The following PSD3 variants were observed in gnomAD, a reference collection of about 807,000 sequenced individuals.
PSD3 encodes PH and SEC7 domain-containing protein 3.
In PSD3, 49 loss-of-function variants were observed where a neutral mutation model predicts 105.5. That is an observed-to-expected ratio of 0.46 (90% CI 0.37 to 0.59). PSD3 has a LOEUF of 0.59. PSD3 is among the 20% of genes least tolerant of loss of function. The pLI is 0.00. For missense variants in PSD3, 1,561 were observed against 1,263.8 expected, an observed-to-expected ratio of 1.24 and a Z score of -3.57; for synonymous variants, 557 against 457.8, an observed-to-expected ratio of 1.22 and a Z score of -2.77.
chr8:18,927,255 C>T (rs970488742), intron 2 of PSD3, among the ~76,000 whole-genome samples: 4 of 152,102 alleles, frequency 2.6e-5, no homozygotes, highest in Admixed American at 2.6e-4. Context: ...ACTCTGTTGC[C>T]CAGGCTGGGG....
At chr8:18,625,892 A>G (rs1285399278) in intron 11 of PSD3, among the ~76,000 whole-genome samples, 3 of 152,112 alleles carry the variant, frequency 2.0e-5, no homozygotes, top group African/African-American at 7.2e-5. Flanking sequence ...CACTATTGTT[A>G]TTGTGTAGAT....
intron 6 of PSD3, among the ~76,000 whole-genome samples, chr8:18,804,175 C>T (rs1393789320): frequency 1.3e-5 from 2 of 152,060 alleles, no homozygotes; most frequent in African/African-American, 4.8e-5. Context: ...GGTTAAACGT[C>T]CCAAACCCAA....
chr8:18,868,604 C>T (rs182031965), intron 3 of PSD3, among the ~76,000 whole-genome samples: 48 of 152,160 alleles, frequency 3.2e-4, no homozygotes, highest in African/African-American at 1.0e-3. Flanking sequence ...AGAGATTTCA[C>T]GTCCAAAATT....
chr8:19,043,161 AGCATCAG>A (rs1267896220), intron 1 of PSD3, among the ~76,000 whole-genome samples: 35 of 152,248 alleles, frequency 2.3e-4, no homozygotes, highest in African/African-American at 8.2e-4. Context: ...TTCCATGTTT[AGCATCAG>A]GCCATATCTT....
chr8:18,774,829 C>G, intron 8 of PSD3: 1 of 452,916 alleles, frequency 2.2e-6, no homozygotes, highest in South Asian at 1.6e-5. Flanking sequence ...CGACATACAT[C>G]TGGGACAGGT....
intron 9 of PSD3, among the ~76,000 whole-genome samples, chr8:18,747,174 A>C (rs1161834199): frequency 1.3e-5 from 2 of 152,246 alleles, no homozygotes; most frequent in African/African-American, 4.8e-5. Context: ...ATGTACCACA[A>C]ATTGGAGCTT....
chr8:18,890,846 G>C (rs560196138), intron 2 of PSD3, among the ~76,000 whole-genome samples: 23 of 152,164 alleles, frequency 1.5e-4, no homozygotes, highest in African/African-American at 4.8e-4. Flanking sequence ...AAGAGAAAAG[G>C]GGTCGAGTGG....
At chr8:18,826,698 G>A (rs1258091184) in intron 4 of PSD3, among the ~76,000 whole-genome samples, 1 of 152,174 alleles carries the variant, frequency 6.6e-6, no homozygotes, top group Non-Finnish European at 1.5e-5. Flanking sequence ...AAGGCCCTTT[G>A]GAAAGGCTTG....
chr8:18,573,541 A>C (rs1432031089), intron 13 of PSD3, among the ~76,000 whole-genome samples: 2 of 147,584 alleles, frequency 1.4e-5, no homozygotes, highest in East Asian at 3.9e-4. Context: ...TGAGTCAAAA[A>C]AGGGAAACAA....
chr8:18,960,523 T>C (rs1823849521), intron 1 of PSD3, among the ~76,000 whole-genome samples: 1 of 152,048 alleles, frequency 6.6e-6, no homozygotes, highest in Non-Finnish European at 1.5e-5. Flanking sequence ...AGAAAAGAAA[T>C]TAGGAAATGC....
At chr8:18,776,020 G>A (rs1186950965) in intron 8 of PSD3, among the ~76,000 whole-genome samples, 2 of 151,920 alleles carry the variant, frequency 1.3e-5, no homozygotes, top group Non-Finnish European at 2.9e-5. Context: ...GGTGATTTTT[G>A]TAAATTGTGA....
Position 18,683,870 on chromosome 8 carries a change from C to A in PSD3, c.2173-28185G>T, listed in dbSNP as rs759116363. 5 of 765,142 alleles carry A rather than the reference C, an allele frequency of 6.5e-6. No individual in the cohort carries two copies. In the East Asian group the frequency reaches 9.7e-5, roughly 15 times the overall value. 47.4% of individuals were successfully genotyped at this position (765,142 alleles called of 1,614,324 possible). ...GGATAGAATCCTCCCGGGAGTATTT[C>A]ACGGAACCTGAGGTCCTCACCCGTA... On this transcript the variant is annotated intron_variant, in intron 9 of 15. Transcript: ENST00000327040.
intron 10 of PSD3, among the ~76,000 whole-genome samples, chr8:18,634,004 T>G (rs1440411220): frequency 6.6e-6 from 1 of 152,110 alleles, no homozygotes; most frequent in African/African-American, 2.4e-5. Context: ...GATTTGCATT[T>G]CTCTGATGAT....
intron 12 of PSD3, among the ~76,000 whole-genome samples, chr8:18,582,513 C>A (rs2130422873): frequency 6.6e-6 from 1 of 152,212 alleles, no homozygotes; most frequent in Middle Eastern, 3.4e-3. Context: ...TCCATCTTCT[C>A]CTCACTCTTG....
chr8:18,927,148 G>GCCA (rs1288097092), intron 2 of PSD3, among the ~76,000 whole-genome samples: 1 of 152,092 alleles, frequency 6.6e-6, no homozygotes, highest in Non-Finnish European at 1.5e-5. Context: ...CCCCAGGCAC[G>GCCA]CCACCTTCCA....
At chr8:18,778,372 C>G (rs1478806243) in intron 8 of PSD3, among the ~76,000 whole-genome samples, 3 of 152,082 alleles carry the variant, frequency 2.0e-5, no homozygotes, top group Non-Finnish European at 4.4e-5. Context: ...CAGGTAGAGT[C>G]TTTAGGTTCT....
intron 9 of PSD3, among the ~76,000 whole-genome samples, chr8:18,663,943 A>C (rs907612127): frequency 2.6e-5 from 4 of 152,156 alleles, no homozygotes; most frequent in African/African-American, 9.7e-5. Context: ...ACATTTGATT[A>C]TTATATTTGC....
intron 9 of PSD3, among the ~76,000 whole-genome samples, chr8:18,679,343 A>C (rs1800252763): frequency 6.6e-6 from 1 of 152,224 alleles, no homozygotes; most frequent in Non-Finnish European, 1.5e-5. Flanking sequence ...GGGAGAATAG[A>C]GGTGATGGTG....
At chr8:18,774,516 TCC>T in intron 8 of PSD3, 1 of 251,480 alleles carries the variant, frequency 4.0e-6, no homozygotes. Flanking sequence ...CCTTTTTTTT[TCC>T]TCCAGTTTGA....
Sources: gnomAD v4.1 joint callset for allele counts (sites outside exome capture counted in the v4.1 genomes callset) on GRCh38, gnomAD v4.1.1 for gene constraint, MANE v1.5 for transcripts, NCBI Gene and HGNC (gene_info 2026-07-23, HGNC 2026-07-21) for gene names.